The following FANCM variants were observed in gnomAD, a reference collection of about 807,000 sequenced individuals.
The protein encoded by FANCM is Fanconi anemia group M protein.
Under a neutral mutation model 199.5 loss-of-function variants are expected in FANCM, and 140 were observed. That is an observed-to-expected ratio of 0.70 (90% CI 0.61 to 0.81). FANCM has a LOEUF of 0.81. Ranked by LOEUF, FANCM falls within the 30% of genes least tolerant of loss-of-function variation. The probability of loss-of-function intolerance (pLI) is 0.00; values close to 1 mark genes in which losing one functional copy is unlikely to be tolerated. For missense variants in FANCM, 2,410 were observed against 2,421.4 expected, an observed-to-expected ratio of 1.00 and a Z score of 0.10; for synonymous variants, 840 against 836.8, an observed-to-expected ratio of 1.00 and a Z score of -0.07.
chr14:45,191,067 G>A (rs1225770730), intron 20 of FANCM, among the ~76,000 whole-genome samples: 1 of 152,020 alleles, frequency 6.6e-6, no homozygotes. Flanking sequence ...TTATAAATGG[G>A]GTCTGTTATT....
At chr14:45,174,635 T>C (rs72672926) in intron 13 of FANCM, among the ~76,000 whole-genome samples, 1,593 of 152,236 alleles carry the variant, frequency 0.01, 10 homozygotes, top group Non-Finnish European at 0.016. Context: ...ATGTTGGACA[T>C]TCCAAAAGCT....
chr14:45,156,677 T>G (rs967217797), intron 8 of FANCM, among the ~76,000 whole-genome samples: 1 of 152,090 alleles, frequency 6.6e-6, no homozygotes, highest in Non-Finnish European at 1.5e-5. Flanking sequence ...CCCAGCACTG[T>G]GAGAGGCCGA....
At chr14:45,148,741 CTTTCAAAATTTTACTGCTATTTTA>C (rs1461316503) in intron 3 of FANCM, 72 bp from the exon 4 acceptor site, 2 of 779,068 alleles carry the variant, frequency 2.6e-6, no homozygotes, top group Non-Finnish European at 4.3e-6. Flanking sequence ...TCTGGTGCTT[CTTTCAAAATTTTACTGCTATTTTA>C]TTTCTGTTAG....
At position 45,188,890 on chromosome 14, in the gene FANCM, T is replaced by C. The variant is rs747262897; in HGVS notation, c.4868T>C (p.Val1623Ala). ...SCKGQSSEEE[V>A]CVDFNLITDD... is the part of the protein sequence containing the mutation. ...AAAGGCCAATCAAGTGAAGAAGAAG[T>C]TTGTGTTGATTTTAACTTAATAACT... The change falls in exon 20 of 23, where the codon GTT (valine) becomes GCT (alanine). Residue 1623 changes from valine to alanine, a missense_variant. Coordinates refer to ENST00000267430, the MANE Select transcript of FANCM (RefSeq NM_020937.4). 7 of 1,613,696 alleles carry C rather than the reference T, an allele frequency of 4.3e-6. No homozygotes were observed. The highest frequency in any genetic ancestry group is 5.9e-6 in the Non-Finnish European group (7 of 1,179,796).
chr14:45,175,391 T>A lies in FANCM; in HGVS notation c.2637T>A (p.Asp879Glu). The A allele has an allele frequency of 2.6e-6, 4 of 1,563,834 alleles. No individual in the cohort carries two copies. The highest frequency in any genetic ancestry group is 3.5e-6 in the Non-Finnish European group (4 of 1,150,224). Residue 879 changes from aspartate to glutamate, a missense_variant, in exon 14 of 23, where the codon GAT becomes GAA. Physicochemically the swap from Asp to Glu is conservative, Grantham distance 45. Transcript: ENST00000267430. Reference sequence around the variant, plus strand: ...ATCACGGTATTATAGATTCTGTAGATAATGACAGAAATTCCACTGTTGAAA... The same window carrying A: ...ATCACGGTATTATAGATTCTGTAGAAAATGACAGAAATTCCACTGTTGAAA... ...ENNHGIIDSV[D>E]NDRNSTVENI... is the part of the protein sequence containing the mutation.
chr14:45,191,802 A>G (rs765603279), intron 20 of FANCM, among the ~76,000 whole-genome samples: 15 of 152,042 alleles, frequency 9.9e-5, no homozygotes, highest in Non-Finnish European at 2.1e-4. Context: ...AAATACTAAT[A>G]TTTGCATTGT....
At position 45,198,985 on chromosome 14, in the gene FANCM, A is replaced by G. The variant is rs778589877; in HGVS notation, c.6008+50A>G. On this transcript the variant is annotated intron_variant, in intron 22 of 22. Coordinates refer to ENST00000267430, the MANE Select transcript of FANCM (RefSeq NM_020937.4). ...ATGATTACTTTTAAAAGATTCGTAA[A>G]AGCATTCCATAGAAGTTTAATGTTA... 6 of 1,419,082 alleles carry G rather than the reference A, an allele frequency of 4.2e-6. No individual in the cohort carries two copies. The Admixed American group carries it at 1.1e-4, about 25-fold the overall frequency. 87.9% of individuals were successfully genotyped at this position (1,419,082 alleles called of 1,614,324 possible). A position where few individuals can be genotyped will look rare whatever the true frequency, so the allele number is the denominator to read the frequency against.
At chr14:45,173,593 ATTATT>A (rs917621986) in intron 13 of FANCM, among the ~76,000 whole-genome samples, 1 of 152,162 alleles carries the variant, frequency 6.6e-6, no homozygotes, top group African/African-American at 2.4e-5. Context: ...CAGTTCCTTG[ATTATT>A]CTTCCTAGAG....
intron 19 of FANCM, among the ~76,000 whole-genome samples, chr14:45,188,217 T>C (rs998957383): frequency 6.6e-6 from 1 of 152,112 alleles, no homozygotes; most frequent in Non-Finnish European, 1.5e-5. Context: ...CACATGCCTG[T>C]AATCCCAGCT....
rs201456274 is a variant in FANCM, at chr14:45,136,001, C to G, written c.-31C>G. The G allele has an allele frequency of 3.7e-6, 6 of 1,612,094 alleles. No individual in the cohort carries two copies. The African/African-American group carries it at 6.7e-5, about 18-fold the overall frequency. ...GTTGAGCTGCTGCTGCTACGGATAT[C>G]TGACAGAAGCCTTCGGTGGTTGTCG... On this transcript the variant is annotated 5_prime_UTR_variant, in exon 1 of 23. The change creates a new upstream start codon in the 5' untranslated region. Coordinates refer to ENST00000267430, the MANE Select transcript of FANCM (RefSeq NM_020937.4).
intron 21 of FANCM, among the ~76,000 whole-genome samples, chr14:45,197,919 A>G (rs1486494021): frequency 1.3e-5 from 2 of 151,864 alleles, no homozygotes; most frequent in Non-Finnish European, 2.9e-5. Flanking sequence ...GCGTGCCACC[A>G]TGCTCAGCTA....
intron 14 of FANCM, among the ~76,000 whole-genome samples, chr14:45,180,363 C>T (rs559590007): frequency 5.5e-4 from 83 of 151,952 alleles, no homozygotes; most frequent in African/African-American, 1.8e-3. Flanking sequence ...AGTCATACTG[C>T]TGTTAGTAGG....
Position 45,200,135 on chromosome 14 carries a change from ATTTT to A in FANCM, c.*129_*132del. The A allele has an allele frequency of 3.0e-6, 1 of 334,820 alleles. No individual in the cohort carries two copies. 20.7% of individuals were successfully genotyped at this position (334,820 alleles called of 1,614,324 possible). ...TATTTAAATATTTTATATTGTATAC[ATTTT>A]TATTTATAGATTATAGAAATTATTA... On this transcript the variant is annotated 3_prime_UTR_variant, in exon 23 of 23. Transcript: ENST00000267430.
At chr14:45,181,322 T>G in intron 14 of FANCM, 108 bp from the exon 15 acceptor site, 38 of 659,094 alleles carry the variant, frequency 5.8e-5, no homozygotes, top group Non-Finnish European at 8.3e-5. Context: ...GAATAAATGT[T>G]GAGATTGCGT....
At chr14:45,198,171 A>G (rs953734161) in intron 21 of FANCM, among the ~76,000 whole-genome samples, 9 of 152,190 alleles carry the variant, frequency 5.9e-5, no homozygotes, top group Non-Finnish European at 1.0e-4. Flanking sequence ...GGGAATACCA[A>G]TAAAAGGATT....
At position 45,176,377 on chromosome 14, in the gene FANCM, G is replaced by C; in HGVS notation, c.3623G>C (p.Gly1208Ala). 1 of 1,612,986 alleles carries C rather than the reference G, an allele frequency of 6.2e-7. No homozygotes were observed. The highest frequency in any genetic ancestry group is 8.5e-7 in the Non-Finnish European group (1 of 1,179,814). Reference protein sequence around the residue: ...ANSFKSRDQRGVQEEKVKNHE... With the variant: ...ANSFKSRDQRAVQEEKVKNHE... ...AGTTTTAAATCTCGTGATCAGAGAG[G>C]TGTACAGGAAGAAAAAGTGAAGAAT... Residue 1208 changes from glycine (G) to alanine (A), a missense_variant, in exon 14 of 23, where the codon GGT (glycine) becomes GCT (alanine). Coordinates refer to ENST00000267430, the MANE Select transcript of FANCM (RefSeq NM_020937.4).
chr14:45,185,183 G>A, intron 17 of FANCM, 34 bp from the exon 18 acceptor site: 1 of 1,384,400 alleles, frequency 7.2e-7, no homozygotes. Flanking sequence ...TTTTCTCACT[G>A]ATATCTTCAT....
intron 19 of FANCM, 141 bp downstream of exon 19, chr14:45,188,028 G>A (rs146827944): frequency 7.7e-6 from 5 of 646,170 alleles, no homozygotes; most frequent in African/African-American, 1.8e-5. Context: ...CAGGAAGCTC[G>A]ACTAAATGGA....
chr14:45,191,801 T>C (rs1031290239), intron 20 of FANCM, among the ~76,000 whole-genome samples: 1 of 152,180 alleles, frequency 6.6e-6, no homozygotes, highest in Non-Finnish European at 1.5e-5. Context: ...AAAATACTAA[T>C]ATTTGCATTG....
Sources: gnomAD v4.1 joint callset for allele counts (sites outside exome capture counted in the v4.1 genomes callset) on GRCh38, gnomAD v4.1.1 for gene constraint, MANE v1.5 for transcripts, NCBI Gene and HGNC (gene_info 2026-07-23, HGNC 2026-07-21) for gene names.